The following IL34 variants were observed in gnomAD, a reference collection of about 807,000 sequenced individuals.
IL34 encodes the protein interleukin-34.
IL34 carries 17 observed loss-of-function variants against 25.3 expected under a neutral mutation model. The observed-to-expected ratio is 0.67, with a 90% confidence interval of 0.46 to 1.01. IL34 has a LOEUF of 1.01. Among genes scored for constraint, IL34 ranks in the 50% least tolerant of loss-of-function variants. IL34 has a pLI of 0.00. For missense variants in IL34, 368 were observed against 312.9 expected (o/e 1.18, Z -1.33); for synonymous variants, 174 against 140.9 (o/e 1.23, Z -1.66).
intron 1 of IL34, among the ~76,000 whole-genome samples, chr16:70,610,829 C>A (rs2051079414): frequency 6.6e-6 from 1 of 152,188 alleles, no homozygotes; most frequent in Non-Finnish European, 1.5e-5. Context: ...AGGAGGGGCC[C>A]CCTCAAGCCT....
Position 70,647,292 on chromosome 16 carries a change from C to T in IL34, c.28+317C>T, listed in dbSNP as rs193144352. On this transcript the variant is annotated intron_variant, in intron 1 of 5. Coordinates refer to ENST00000288098, the MANE Select transcript of IL34 (RefSeq NM_001393494.1). ...CAGGCTTGTGGGTGTTGGGGAGCCC[C>T]GGGCGGGCAGCAGCGGCCCAGTCCT... 8.2e-3 allele frequency among the ~76,000 whole-genome samples: 1,241 copies of T among 152,172 alleles called. 16 individuals carry two copies. Among genetic ancestry groups the T allele is most frequent in the African/African-American group, 0.028 (1,155 of 41,508 alleles).
At position 70,628,699 on chromosome 16, in the gene IL34, C is replaced by G. The variant is rs915763336; in HGVS notation, c.-400-17849C>G. Among the ~76,000 whole-genome samples the G allele has an allele frequency of 2.0e-5, 3 of 151,152 alleles. No homozygotes were observed. In the East Asian group the frequency reaches 5.8e-4, roughly 29 times the overall value. The stretch of plus-strand genomic sequence containing the variant: ...ATGGGGTCTCACCATGTTGACCAAG[C>G]TGGTCTTGAACTCCTGACCTTAATT... On this transcript the variant is annotated intron_variant, in intron 1 of 6. Transcript: ENST00000429149.
At chr16:70,624,195 C>T (rs897895469) in intron 1 of IL34, among the ~76,000 whole-genome samples, 2 of 151,962 alleles carry the variant, frequency 1.3e-5, no homozygotes, top group African/African-American at 2.4e-5. Context: ...GGAGGAATCC[C>T]GGGCTGCCGG....
At chr16:70,608,093 C>T (rs2051035049) in intron 1 of IL34, among the ~76,000 whole-genome samples, 1 of 142,204 alleles carries the variant, frequency 7.0e-6, no homozygotes, top group South Asian at 2.3e-4. Context: ...AGTTTGTTAA[C>T]ATGGTGAATT....
At chr16:70,614,625 G>GT (rs1159220786) in intron 1 of IL34, among the ~76,000 whole-genome samples, 1 of 152,218 alleles carries the variant, frequency 6.6e-6, no homozygotes, top group Non-Finnish European at 1.5e-5. Context: ...ATTTCATGAT[G>GT]TTGTTTGTCC....
At chr16:70,592,508 G>C (rs2050767728) in intron 1 of IL34, among the ~76,000 whole-genome samples, 1 of 151,988 alleles carries the variant, frequency 6.6e-6, no homozygotes, top group South Asian at 2.1e-4. Context: ...GCAGGCTCAG[G>C]GTTCTGAGAC....
At chr16:70,625,670 C>T (rs1359559123) in intron 1 of IL34, among the ~76,000 whole-genome samples, 2 of 152,252 alleles carry the variant, frequency 1.3e-5, no homozygotes, top group East Asian at 3.9e-4. Context: ...CAAGGGAAGG[C>T]TGCCTTCCCA....
At chr16:70,641,741 A>G (rs1393328413), upstream of IL34, among the ~76,000 whole-genome samples, 1 of 151,414 alleles carries the variant, frequency 6.6e-6, no homozygotes, top group African/African-American at 2.4e-5. Flanking sequence ...TAATTTTTGT[A>G]TTTTTTGTAG....
At chr16:70,652,280 ACCT>A (rs2052100142) in intron 1 of IL34, among the ~76,000 whole-genome samples, 1 of 151,104 alleles carries the variant, frequency 6.6e-6, no homozygotes, top group East Asian at 2.0e-4. Flanking sequence ...AAACAGCAAG[ACCT>A]CCTCTCTACA....
chr16:70,659,657 C>A lies in IL34; in HGVS notation c.442C>A (p.Leu148Ile), dbSNP rs200891924. ...VSPKVESVLS[L>I]LNAPGPNLKL... ...CCCCAAGGTGGAATCCGTGTTGTCC[C>A]TCTTGAATGCCCCAGGGCCAAACCT... Residue 148 changes from leucine to isoleucine, a missense_variant, in exon 5 of 6, where the codon CTC becomes ATC. Physicochemically the swap from Leu to Ile is conservative, Grantham distance 5. Transcript: ENST00000288098. 101 of 1,612,868 alleles carry A rather than the reference C, an allele frequency of 6.3e-5. No homozygotes were observed. Among genetic ancestry groups the A allele is most frequent in the Non-Finnish European group, 7.6e-5 (90 of 1,179,494 alleles).
intron 1 of IL34, among the ~76,000 whole-genome samples, chr16:70,589,223 GA>G (rs969374672): frequency 2.0e-4 from 30 of 151,780 alleles, no homozygotes; most frequent in African/African-American, 6.3e-4. Context: ...AATAAGAAAA[GA>G]AAAAAATGGT....
upstream of IL34, among the ~76,000 whole-genome samples, chr16:70,645,169 AGAGGAAGGAGGAAAAG>A (rs567158940): frequency 6.7e-6 from 1 of 149,810 alleles, no homozygotes; most frequent in Non-Finnish European, 1.5e-5. Context: ...AGAAGGAGGA[AGAGGAAGGAGGAAAAG>A]GAGGAAGGAC....
chr16:70,598,899 T>C (rs1419394484), intron 1 of IL34, among the ~76,000 whole-genome samples: 5 of 152,146 alleles, frequency 3.3e-5, no homozygotes, highest in Non-Finnish European at 1.5e-5. Context: ...GCAGTGGGGG[T>C]TCAGAAGGTG....
intron 1 of IL34, among the ~76,000 whole-genome samples, chr16:70,606,911 A>G (rs1055982498): frequency 1.3e-5 from 2 of 151,984 alleles, no homozygotes; most frequent in Non-Finnish European, 2.9e-5. Flanking sequence ...GCTGAGTAGT[A>G]TTCTGTTGTA....
intron 1 of IL34, among the ~76,000 whole-genome samples, chr16:70,651,716 C>T (rs1339712821): frequency 6.6e-6 from 1 of 150,422 alleles, no homozygotes; most frequent in Non-Finnish European, 1.5e-5. Context: ...CTGCTCATAG[C>T]TGGGGGTGGC....
rs918011858 is a variant in IL34 at position 70,660,297 on chromosome 16, C to T, written c.*110C>T. ...GGTGGGAGCCCCCCTTGGGAGAGGA[C>T]CCCTGGGAAGGGTGTTTTTCCTTTG... On this transcript the variant is annotated 3_prime_UTR_variant, in exon 6 of 6. Coordinates refer to ENST00000288098, the MANE Select transcript of IL34 (RefSeq NM_001393494.1). The T allele has an allele frequency of 2.0e-6, 2 of 1,023,232 alleles. No individual in the cohort carries two copies. The highest frequency in any genetic ancestry group is 1.6e-5 in the African/African-American group (1 of 61,434). 63.4% of individuals were successfully genotyped at this position (1,023,232 alleles called of 1,614,324 possible).
chr16:70,610,238 T>C (rs930630366), intron 1 of IL34, among the ~76,000 whole-genome samples: 2 of 146,610 alleles, frequency 1.4e-5, no homozygotes, highest in African/African-American at 5.0e-5. Context: ...TTTTCCAAGG[T>C]AGGAGCTGAG....
Position 70,660,479 on chromosome 16 carries a change from G to T in IL34, c.*292G>T. The T allele has an allele frequency of 3.0e-6, 1 of 331,838 alleles. No individual in the cohort carries two copies. Among genetic ancestry groups the T allele is most frequent in the East Asian group, 5.1e-5 (1 of 19,572 alleles). 20.6% of individuals were successfully genotyped at this position (331,838 alleles called of 1,614,324 possible). On this transcript the variant is annotated 3_prime_UTR_variant, in exon 6 of 6. Transcript: ENST00000288098. Reference sequence around the variant, plus strand: ...CCTCACTGTCCCCCCGCCTAAAGGGGGTACTGAGCCTCCTGTGGCCCGCAG... The same window carrying T: ...CCTCACTGTCCCCCCGCCTAAAGGGTGTACTGAGCCTCCTGTGGCCCGCAG...
intron 1 of IL34, among the ~76,000 whole-genome samples, chr16:70,583,217 A>C (rs1397539215): frequency 6.6e-6 from 1 of 151,808 alleles, no homozygotes; most frequent in African/African-American, 2.4e-5. Context: ...GGTTCAAGTG[A>C]TTCTCCTGCC....
Sources: allele counts gnomAD v4.1 joint callset (sites outside exome capture counted in the v4.1 genomes callset), GRCh38; gene constraint gnomAD v4.1.1; transcripts MANE v1.5; gene names NCBI Gene and HGNC (gene_info 2026-07-23, HGNC 2026-07-21).